Variants in USP35 observed in about 807,000 individuals in gnomAD.
The protein encoded by USP35 is ubiquitin specific peptidase 35.
USP35 carries 69 observed loss-of-function variants against 83.8 expected under a neutral mutation model. The ratio of observed to expected loss-of-function variants is 0.82; its 90% CI spans 0.68 to 1.01. USP35 has a LOEUF of 1.01. Ranked by LOEUF, USP35 falls within the 50% of genes least tolerant of loss-of-function variation. The probability of loss-of-function intolerance (pLI) is 0.00; values close to 1 mark genes in which losing one functional copy is unlikely to be tolerated. For missense variants in USP35, 1,503 were observed against 1,362.5 expected (o/e 1.10, Z -1.62); for synonymous variants, 714 against 589.5 (o/e 1.21, Z -3.06).
rs1279540233 is a variant in USP35, at chr11:78,200,670, C to G, written c.1059C>G (p.Pro353=). The part of the protein sequence containing the change: ...AFHLLLPHIP[P]MVASLVKEDS... ...CACAGCTCCTCCCTCACATCCCCCC[C>G]ATGGTGGCCTCTCTGGTCAAGGAGG... is the stretch of plus-strand genomic sequence containing the variant. Residue 353 remains proline (P), a synonymous_variant, in exon 6 of 11, where the codon CCC becomes CCG. Coordinates refer to ENST00000529308, the MANE Select transcript of USP35 (RefSeq NM_020798.4). The G allele has an allele frequency of 1.2e-6, 2 of 1,612,530 alleles. No individual in the cohort carries two copies. Among genetic ancestry groups the G allele is most frequent in the South Asian group, 1.1e-5 (1 of 90,908 alleles).
chr11:78,231,889 T>C, the USP35 span: 1 of 152,232 alleles, frequency 6.6e-6, no homozygotes, highest in Admixed American at 6.5e-5. Context: ...CCATTTAGAG[T>C]TCTGTAACTG....
intron 6 of USP35, among the ~76,000 whole-genome samples, chr11:78,203,453 G>T (rs1304108492): frequency 6.6e-6 from 1 of 152,204 alleles, no homozygotes; most frequent in Non-Finnish European, 1.5e-5. Context: ...CCAAGTACTT[G>T]ACGTCAGAGA....
intron 10 of USP35, 107 bp from the exon 11 acceptor site, chr11:78,213,539 G>A (rs1863891076): frequency 7.7e-7 from 1 of 1,301,362 alleles, no homozygotes; most frequent in South Asian, 2.2e-5. Context: ...GTGTGTCCAG[G>A]CCCTGGGGAC....
the USP35 span, chr11:78,220,248 C>A: frequency 2.6e-5 from 40 of 1,561,182 alleles, no homozygotes; most frequent in Non-Finnish European, 3.4e-5. Context: ...TTGAAGGCAC[C>A]CTGGCCTCCA....
intron 1 of USP35, among the ~76,000 whole-genome samples, chr11:78,195,474 T>G (rs910272799): frequency 6.6e-6 from 1 of 152,092 alleles, no homozygotes; most frequent in African/African-American, 2.4e-5. Flanking sequence ...TTCTGGGACC[T>G]CTGTCGGTTC....
the USP35 span, chr11:78,223,717 C>G: frequency 2.7e-6 from 4 of 1,503,124 alleles, no homozygotes; most frequent in Non-Finnish European, 3.6e-6. Flanking sequence ...CTGTTACTAG[C>G]AAGAAGAAAC....
In USP35 at chr11:78,209,485, C is replaced by G. The variant is rs1344566648; in HGVS notation, c.1630C>G (p.Gln544Glu). The G allele has an allele frequency of 1.2e-6, 2 of 1,612,282 alleles. No homozygotes were observed. The highest frequency in any genetic ancestry group is 2.7e-5 in the African/African-American group (2 of 74,886). Reference protein sequence around the residue: ...EEEKTGTRICQKLKQSSSPSP... With the variant: ...EEEKTGTRICEKLKQSSSPSP... The stretch of plus-strand genomic sequence containing the variant: ...GGAGAAAACGGGCACAAGGATCTGC[C>G]AGAAACTCAAGCAGTCCAGCTCGCC... The change falls in exon 10 of 11, where the codon CAG (glutamine) becomes GAG (glutamate). Residue 544 changes from glutamine to glutamate, a missense_variant. Physicochemically the swap from Gln to Glu is conservative, Grantham distance 29. Coordinates refer to ENST00000529308, the MANE Select transcript of USP35 (RefSeq NM_020798.4).
the USP35 span, chr11:78,221,960 A>C: frequency 1.4e-6 from 1 of 700,928 alleles, no homozygotes; most frequent in Non-Finnish European, 2.6e-6. Flanking sequence ...TGAGGAAACC[A>C]AGCCACAAGA....
the USP35 span, among the ~76,000 whole-genome samples, chr11:78,225,673 G>A: frequency 2.0e-5 from 3 of 152,168 alleles, no homozygotes; most frequent in African/African-American, 7.2e-5. Context: ...ATTGAAAGAC[G>A]GCAAAGAGGT....
intron 6 of USP35, among the ~76,000 whole-genome samples, chr11:78,201,232 C>G (rs971990209): frequency 6.6e-6 from 1 of 152,196 alleles, no homozygotes; most frequent in Admixed American, 6.5e-5. Context: ...CGCTGGGCTC[C>G]CACAGTCTTG....
chr11:78,226,619 G>C, the USP35 span: 5 of 952,214 alleles, frequency 5.3e-6, no homozygotes, highest in African/African-American at 1.7e-5. Context: ...GGCGGGGTGG[G>C]GGAGCTATGG....
downstream of USP35, chr11:78,219,120 G>C: frequency 1.4e-6 from 1 of 695,978 alleles, no homozygotes; most frequent in Non-Finnish European, 2.4e-6. Flanking sequence ...CCAGGGGAAG[G>C]GTTCAGGGTC....
intron 1 of USP35, among the ~76,000 whole-genome samples, chr11:78,191,696 G>T (rs1360325623): frequency 1.3e-5 from 2 of 152,168 alleles, no homozygotes; most frequent in African/African-American, 2.4e-5. Context: ...CACCGAAGTG[G>T]CAGGGAGGGC....
At chr11:78,197,316 T>C (rs1044658041) in intron 2 of USP35, among the ~76,000 whole-genome samples, 8 of 151,718 alleles carry the variant, frequency 5.3e-5, no homozygotes, top group African/African-American at 1.7e-4. Flanking sequence ...AGTTGACAGA[T>C]TGGTGGCACC....
At position 78,213,856 on chromosome 11, in the gene USP35, G is replaced by GGT. The variant is rs1590923843; in HGVS notation, c.*44_*45dup. 1.3e-6 allele frequency: 2 copies of GGT among 1,529,572 alleles called. No homozygotes were observed. Among genetic ancestry groups the GGT allele is most frequent in the Non-Finnish European group, 8.7e-7 (1 of 1,150,050 alleles). 94.8% of individuals were successfully genotyped at this position (1,529,572 alleles called of 1,614,324 possible). A position where few individuals can be genotyped will look rare whatever the true frequency, so the allele number is the denominator to read the frequency against. On this transcript the variant is annotated 3_prime_UTR_variant, in exon 11 of 11. Transcript: ENST00000529308. ...CCTGACCCCTTCCCTCCAGGAGCCA[G>GGT]GTAGGGCCTGAGGGAAGCTGTGGAG...
At chr11:78,208,721 CG>C in intron 8 of USP35, 135 bp from the exon 9 acceptor site, 1 of 895,676 alleles carries the variant, frequency 1.1e-6, no homozygotes, top group Non-Finnish European at 1.8e-6. Context: ...AATAGAAAAG[CG>C]GGGAGGACCT....
chr11:78,206,663 C>T (rs551214449), intron 7 of USP35, among the ~76,000 whole-genome samples: 1 of 152,286 alleles, frequency 6.6e-6, no homozygotes, highest in East Asian at 1.9e-4. Flanking sequence ...CAGTCTGCTG[C>T]AGAATATTAC....
At position 78,200,165 on chromosome 11, in the gene USP35, G is replaced by C. The variant is rs745355873; in HGVS notation, c.969G>C (p.Arg323=). 9.2e-5 allele frequency: 148 copies of C among 1,614,058 alleles called. No homozygotes were observed. Among genetic ancestry groups the C allele is most frequent in the Non-Finnish European group, 1.2e-4 (144 of 1,180,038 alleles). Residue 323 remains arginine, a synonymous_variant, in exon 5 of 11, where the codon CGG becomes CGC. Transcript: ENST00000529308. Reference sequence around the variant, plus strand: ...CTAAGCTGCTGTACCCCATCGTCCGGGGAGCTGCCTTGTCTGTGCTCAAGT... The same window carrying C: ...CTAAGCTGCTGTACCCCATCGTCCGCGGAGCTGCCTTGTCTGTGCTCAAGT... The part of the protein sequence containing the change: ...VFSKLLYPIV[R]GAALSVLKYM...
chr11:78,220,222 G>T, downstream of USP35: 1 of 1,279,340 alleles, frequency 7.8e-7, no homozygotes, highest in Non-Finnish European at 1.1e-6. Flanking sequence ...GGGAGGCTGA[G>T]TGCTGCTGTT....
Sources: allele counts gnomAD v4.1 joint callset (sites outside exome capture counted in the v4.1 genomes callset), GRCh38; gene constraint gnomAD v4.1.1; transcripts MANE v1.5; gene names NCBI Gene and HGNC (gene_info 2026-07-23, HGNC 2026-07-21).